Variants in DPY19L4 observed in about 807,000 individuals in gnomAD.
DPY19L4 encodes dpy-19 like 4, also known as probable C-mannosyltransferase DPY19L4.
In DPY19L4, 97 loss-of-function variants were observed where a neutral mutation model predicts 102.8. The observed-to-expected ratio is 0.94, with a 90% CI of 0.80 to 1.12. The LOEUF (loss-of-function observed/expected upper bound fraction) is 1.12, where lower values mean the gene tolerates loss of function less well. DPY19L4 is among the 50% of genes most tolerant of loss of function. The pLI, the probability that DPY19L4 is intolerant of heterozygous loss-of-function variation, is 0.00. For missense variants in DPY19L4, 815 were observed against 850.4 expected, an observed-to-expected ratio of 0.96 and a Z score of 0.52; for synonymous variants, 252 against 283.1, an observed-to-expected ratio of 0.89 and a Z score of 1.10.
In DPY19L4 at chr8:94,782,550, C is replaced by T. The variant is rs189936067; in HGVS notation, c.1716-1120C>T. On this transcript the variant is annotated intron_variant, in intron 16 of 18. Coordinates refer to ENST00000414645, the MANE Select transcript of DPY19L4 (RefSeq NM_181787.3). ...ATGGATGGAAACTATGAAATAACTA[C>T]ATTGAAATTTATTAAAGACATAAAA... Among the ~76,000 whole-genome samples the T allele has an allele frequency of 2.6e-3, 394 of 148,760 alleles. 2 individuals are homozygous for T. The Middle Eastern group carries it at 0.035, about 13-fold the overall frequency.
chr8:94,738,505 T>C (rs1034600764), intron 4 of DPY19L4, 46 bp downstream of exon 4: 6 of 1,234,674 alleles, frequency 4.9e-6, no homozygotes, highest in African/African-American at 1.6e-5. Context: ...TTTTCCTTTT[T>C]CTTTTCTTTT....
intron 18 of DPY19L4, among the ~76,000 whole-genome samples, chr8:94,788,648 C>T (rs902636882): frequency 2.6e-4 from 39 of 151,758 alleles, no homozygotes; most frequent in Non-Finnish European, 4.9e-4. Context: ...CGCACGCGCG[C>T]GCGCATGTGT....
At chr8:94,781,512 G>C (rs1326353796) in intron 16 of DPY19L4, among the ~76,000 whole-genome samples, 1 of 152,158 alleles carries the variant, frequency 6.6e-6, no homozygotes, top group African/African-American at 2.4e-5. Flanking sequence ...TATTAGTTTT[G>C]ATAACCAGGG....
intron 2 of DPY19L4, among the ~76,000 whole-genome samples, chr8:94,731,705 G>A (rs1056925565): frequency 6.6e-6 from 1 of 152,074 alleles, no homozygotes; most frequent in Non-Finnish European, 1.5e-5. Context: ...TGTGACACTT[G>A]TATCATATTG....
At chr8:94,731,371 A>G (rs545654250) in intron 2 of DPY19L4, among the ~76,000 whole-genome samples, 2 of 152,344 alleles carry the variant, frequency 1.3e-5, no homozygotes, top group South Asian at 2.1e-4. Flanking sequence ...TCTTAACTGT[A>G]TGTCAGGAAC....
chr8:94,781,125 ATT>A lies in DPY19L4; in HGVS notation c.1675_1676del (p.Phe559LeufsTer2), dbSNP rs1416108534. The A allele has an allele frequency of 6.3e-7, 1 of 1,599,376 alleles. No homozygotes were observed. The highest frequency in any genetic ancestry group is 2.2e-5 in the East Asian group (1 of 44,584). On this transcript the variant is annotated frameshift_variant, in exon 16 of 19. Transcript: ENST00000414645. LOFTEE classifies it high-confidence loss of function. Reference protein sequence around the residue: ...LMTELMELQEFYDPDTVELMT... With the variant: ...LMTELMELQEXYDPDTVELMT... Reference sequence around the variant, plus strand: ...TGACAGAATTAATGGAACTACAGGAATTCTATGACCCAGATACAGTGGAACTT... The same window carrying A: ...TGACAGAATTAATGGAACTACAGGAACTATGACCCAGATACAGTGGAACTT...
intron 12 of DPY19L4, among the ~76,000 whole-genome samples, chr8:94,769,078 T>TTG (rs1812810977): frequency 6.7e-6 from 1 of 149,434 alleles, no homozygotes; most frequent in African/African-American, 2.5e-5. Context: ...TTTTTTTTTT[T>TTG]GAGACGGAGT....
intron 2 of DPY19L4, among the ~76,000 whole-genome samples, chr8:94,726,717 G>C (rs941172986): frequency 6.6e-6 from 1 of 152,176 alleles, no homozygotes; most frequent in Non-Finnish European, 1.5e-5. Flanking sequence ...CGTAGGAAAA[G>C]AGGAGGCAGA....
Position 94,739,545 on chromosome 8 carries a change from T to C in DPY19L4, c.465+11T>C, listed in dbSNP as rs752029926. The stretch of plus-strand genomic sequence containing the variant: ...GCCACTGGTAGCAATGTATGTATTT[T>C]TCGTTGGACCCTAATATTTATTTTC... On this transcript the variant is annotated intron_variant, in intron 5 of 18. Coordinates refer to ENST00000414645, the MANE Select transcript of DPY19L4 (RefSeq NM_181787.3). 3 of 1,598,094 alleles carry C rather than the reference T, an allele frequency of 1.9e-6. No individual in the cohort carries two copies. The African/African-American group carries it at 4.1e-5, about 22-fold the overall frequency.
chr8:94,778,325 T>TGA (rs1199864639), intron 14 of DPY19L4, among the ~76,000 whole-genome samples: 4 of 152,142 alleles, frequency 2.6e-5, no homozygotes, highest in Non-Finnish European at 5.9e-5. Context: ...ATCAGTAATG[T>TGA]GAGAGGTCAT....
intron 14 of DPY19L4, 68 bp downstream of exon 14, chr8:94,777,854 C>A: frequency 6.7e-7 from 1 of 1,501,334 alleles, no homozygotes; most frequent in Non-Finnish European, 9.0e-7. Context: ...ATGGAAACTA[C>A]ATTGAATACA....
At chr8:94,745,088 T>G (rs1038595713) in intron 6 of DPY19L4, 1 of 156,394 alleles carries the variant, frequency 6.4e-6, no homozygotes, top group Admixed American at 6.2e-5. Context: ...ATTATGATTA[T>G]TCGTGTTCTT....
chr8:94,749,062 A>G (rs747628019), intron 6 of DPY19L4, among the ~76,000 whole-genome samples: 1 of 151,752 alleles, frequency 6.6e-6, no homozygotes, highest in Non-Finnish European at 1.5e-5. Flanking sequence ...ATGCAGAGAA[A>G]CTCCTCTTTA....
chr8:94,772,832 T>C (rs1245371169), intron 13 of DPY19L4, among the ~76,000 whole-genome samples: 2 of 152,212 alleles, frequency 1.3e-5, no homozygotes, highest in African/African-American at 4.8e-5. Context: ...TCCTAGGAGT[T>C]GAGGGCAAAG....
chr8:94,782,537 T>A (rs1813478262), intron 16 of DPY19L4, among the ~76,000 whole-genome samples: 1 of 149,724 alleles, frequency 6.7e-6, no homozygotes, highest in South Asian at 2.1e-4. Flanking sequence ...GGATGGAAAC[T>A]ATGAAATAAC....
rs1813928813 is a variant in DPY19L4, at chr8:94,793,084, T to A, written c.*3174T>A. ...ATGCATTGTACTTCAGTGCTAACTT[T>A]TTTCTTCATTTACTTTCTGTGTATA... is the stretch of plus-strand genomic sequence containing the variant. On this transcript the variant is annotated 3_prime_UTR_variant, in exon 19 of 19. Coordinates refer to ENST00000414645, the MANE Select transcript of DPY19L4 (RefSeq NM_181787.3). The A allele has an allele frequency of 2.0e-5, 3 of 152,230 alleles. No individual in the cohort carries two copies. The highest frequency in any genetic ancestry group is 7.2e-5 in the African/African-American group (3 of 41,454). The allele number at this position is 152,230 out of a possible 1,614,324, so 9.4% of individuals were successfully genotyped here. A position where few individuals can be genotyped will look rare whatever the true frequency, so the allele number is the denominator to read the frequency against.
chr8:94,777,807 G>A, intron 14 of DPY19L4, 21 bp downstream of exon 14: 1 of 1,593,688 alleles, frequency 6.3e-7, no homozygotes, highest in Non-Finnish European at 8.6e-7. Flanking sequence ...ATTTTGCATT[G>A]TTTCTCTTCT....
chr8:94,752,490 G>A (rs138448851), intron 6 of DPY19L4, among the ~76,000 whole-genome samples: 2,439 of 149,666 alleles, frequency 0.016, 59 homozygotes, highest in African/African-American at 0.056. Flanking sequence ...GGAGGCTGAG[G>A]CAGGAGAATG....
chr8:94,737,691 G>A (rs1811246865), intron 3 of DPY19L4, among the ~76,000 whole-genome samples: 1 of 151,872 alleles, frequency 6.6e-6, no homozygotes, highest in Non-Finnish European at 1.5e-5. Flanking sequence ...GCTGAGGCAG[G>A]TGAATGGCGT....
Sources: gnomAD v4.1 joint callset for allele counts (sites outside exome capture counted in the v4.1 genomes callset) on GRCh38, gnomAD v4.1.1 for gene constraint, MANE v1.5 for transcripts, NCBI Gene and HGNC (gene_info 2026-07-23, HGNC 2026-07-21) for gene names.